AHDC1: variants seen among roughly 807,000 people sequenced by gnomAD.
The protein encoded by AHDC1 is AT-hook DNA binding motif containing 1.
In AHDC1, 7 loss-of-function variants were observed where a neutral mutation model predicts 87.9. The observed-to-expected ratio is 0.08, with a 90% CI of 0.05 to 0.15. The LOEUF is 0.15. AHDC1 is among the 10% of genes least tolerant of loss of function. AHDC1 has a pLI of 1.00. For synonymous variants in AHDC1, 1,051 were observed against 1,006.8 expected, an observed-to-expected ratio of 1.04 and a Z score of -0.83; for missense variants, 1,841 against 2,253.2, an observed-to-expected ratio of 0.82 and a Z score of 3.70.
chr1:27,595,450 C>CTCTGTGTGTGTGTGTGTGTGTG lies in AHDC1; in HGVS notation c.-629+7946_-629+7947insCACACACACACACACACACAGA, dbSNP rs2089342793. 6.9e-6 allele frequency among the ~76,000 whole-genome samples: 1 copy of CTCTGTGTGTGTGTGTGTGTGTG among 144,686 alleles called. No homozygotes were observed. Among genetic ancestry groups the CTCTGTGTGTGTGTGTGTGTGTG allele is most frequent in the African/African-American group, 2.6e-5 (1 of 38,712 alleles). The allele number at this position is 144,686 out of a possible 152,430, so 94.9% of individuals were successfully genotyped here. Reference sequence around the variant, plus strand: ...GGTTGATATGCTGAGGGTGTGATAGCTGTGTGTGTGTGTGTGTGTGATTGT... The same window carrying CTCTGTGTGTGTGTGTGTGTGTG: ...GGTTGATATGCTGAGGGTGTGATAGCTCTGTGTGTGTGTGTGTGTGTGTGTGTGTGTGTGTGTGTGTGATTGT... On this transcript the variant is annotated intron_variant, in intron 3 of 8. Coordinates refer to ENST00000673934, the MANE Select transcript of AHDC1 (RefSeq NM_001371928.1). The surrounding 1 kb of genome is among the most constrained non-coding windows in gnomAD (Gnocchi z 4.0).
chr1:27,575,652 T>TGCCG (rs1557692343), intron 3 of AHDC1, among the ~76,000 whole-genome samples: 1 of 150,464 alleles, frequency 6.6e-6, no homozygotes, highest in Non-Finnish European at 1.5e-5. Flanking sequence ...GAGAGCCACA[T>TGCCG]GCCGGCCGGC....
rs2089203316 is a variant in AHDC1 at position 27,590,888 on chromosome 1, C to T, written c.-629+12509G>A. On this transcript the variant is annotated intron_variant, in intron 3 of 8. Transcript: ENST00000673934. This position sits in a 1 kb window ranked among gnomAD's most constrained non-coding sequence, Gnocchi z 5.4. ...AGTGGGGAACAGGCAGGTGGGCTCC[C>T]TCAACCCCCAGCACCTTGGATGAGC... 6.6e-6 allele frequency among the ~76,000 whole-genome samples: 1 copy of T among 152,152 alleles called. No individual in the cohort carries two copies. The highest frequency in any genetic ancestry group is 2.1e-4 in the South Asian group (1 of 4,828).
At chr1:27,580,487 C>A (rs1224295232) in intron 3 of AHDC1, among the ~76,000 whole-genome samples, 2 of 152,326 alleles carry the variant, frequency 1.3e-5, no homozygotes, top group East Asian at 3.9e-4. Flanking sequence ...CCATACCTGT[C>A]CCCTTCCCTG....
intron 3 of AHDC1, among the ~76,000 whole-genome samples, chr1:27,602,941 C>A (rs2089573489): frequency 6.6e-6 from 1 of 150,650 alleles, no homozygotes; most frequent in Non-Finnish European, 1.5e-5. Flanking sequence ...CAGCGCCGAT[C>A]CTAAAATCCA....
intron 3 of AHDC1, among the ~76,000 whole-genome samples, chr1:27,559,775 C>G (rs1037180258): frequency 6.6e-6 from 1 of 152,220 alleles, no homozygotes; most frequent in African/African-American, 2.4e-5. Context: ...CTCACCACCC[C>G]CCTGCTTCCT....
intron 3 of AHDC1, among the ~76,000 whole-genome samples, chr1:27,581,136 G>A (rs1458788251): frequency 1.3e-5 from 2 of 152,032 alleles, no homozygotes; most frequent in Non-Finnish European, 2.9e-5. Context: ...CGTCCCGCCT[G>A]TTTTTGTTTT....
rs1044392390 is a variant in AHDC1 at position 27,547,884 on chromosome 1, T to C, written c.4232A>G (p.Glu1411Gly). The C allele has an allele frequency of 1.4e-5, 21 of 1,554,526 alleles. No homozygotes were observed. The highest frequency in any genetic ancestry group is 1.4e-5 in the Non-Finnish European group (16 of 1,147,116). ...CAGCTTTGTGGGCGGTGGCCGCAGC[T>C]CTTCCTTGAAGCCCAGTGTAGGCGA... is the stretch of plus-strand genomic sequence containing the variant. ...TCSPTLGFKEELRPPPTKLAA... is the reference protein window; with the variant it reads ...TCSPTLGFKEGLRPPPTKLAA... The change falls in exon 8 of 9, where the codon GAG becomes GGG. Residue 1411 changes from glutamate to glycine, a missense_variant. Around this residue, in one of 13 missense-constraint regions of AHDC1, gnomAD observed 505 missense variants for 626.2 expected, o/e 0.81. Coordinates refer to ENST00000673934, the MANE Select transcript of AHDC1 (RefSeq NM_001371928.1). This position sits in a 1 kb window ranked among gnomAD's most constrained non-coding sequence, Gnocchi z 4.9.
In AHDC1 at chr1:27,545,437, C is replaced by T. The variant is rs949101774; in HGVS notation, c.*43+1824G>A. On this transcript the variant is annotated intron_variant, in intron 8 of 8. Coordinates refer to ENST00000673934, the MANE Select transcript of AHDC1 (RefSeq NM_001371928.1). ...ATCCCAGTTCCTCCTGCGTTCAGGC[C>T]TCACTGGGTGGTTCCATTATGTACT... is the stretch of plus-strand genomic sequence containing the variant. Among the ~76,000 whole-genome samples the T allele has an allele frequency of 2.6e-5, 4 of 152,130 alleles. No homozygotes were observed. The East Asian group carries it at 7.7e-4, about 29-fold the overall frequency.
intron 3 of AHDC1, among the ~76,000 whole-genome samples, chr1:27,573,399 G>A (rs2088606438): frequency 6.6e-6 from 1 of 152,122 alleles, no homozygotes. Context: ...CTCTATGTGT[G>A]GTAAAGACAC....
At chr1:27,535,359 G>A (rs905659088) in intron 8 of AHDC1, among the ~76,000 whole-genome samples, 5 of 152,146 alleles carry the variant, frequency 3.3e-5, no homozygotes, top group South Asian at 2.1e-4. Flanking sequence ...AGGATTCAGC[G>A]GTATAGGACA....
upstream of AHDC1, chr1:27,604,211 C>A: frequency 6.6e-6 from 1 of 151,302 alleles, no homozygotes; most frequent in South Asian, 2.0e-4. Flanking sequence ...CGCGGCACGC[C>A]GGGACTTGTA....
chr1:27,583,639 G>A (rs973617458), intron 3 of AHDC1, among the ~76,000 whole-genome samples: 1 of 151,918 alleles, frequency 6.6e-6, no homozygotes, highest in Non-Finnish European at 1.5e-5. Context: ...CCCCTAACCC[G>A]TCTCTTAATC....
chr1:27,581,429 A>G (rs1374514438), intron 3 of AHDC1, among the ~76,000 whole-genome samples: 4 of 149,664 alleles, frequency 2.7e-5, no homozygotes, highest in African/African-American at 7.3e-5. Context: ...AACCAAGAGA[A>G]AAAAAAAAAA....
chr1:27,569,171 C>T (rs2020461383), intron 3 of AHDC1, among the ~76,000 whole-genome samples: 1 of 152,034 alleles, frequency 6.6e-6, no homozygotes, highest in South Asian at 2.1e-4. Flanking sequence ...TGTCTTCTCC[C>T]TCATATGGTC....
At chr1:27,600,659 C>A (rs1016269290) in intron 3 of AHDC1, among the ~76,000 whole-genome samples, 1 of 152,122 alleles carries the variant, frequency 6.6e-6, no homozygotes, top group African/African-American at 2.4e-5. Flanking sequence ...CTCTGCCAGT[C>A]CAGAACAGCT....
intron 8 of AHDC1, among the ~76,000 whole-genome samples, chr1:27,537,324 G>T (rs2018686800): frequency 6.6e-6 from 1 of 152,158 alleles, no homozygotes; most frequent in Non-Finnish European, 1.5e-5. Context: ...CACAGATAGA[G>T]GGGAAAGCAA....
At chr1:27,592,340 C>A (rs2089245847) in intron 3 of AHDC1, among the ~76,000 whole-genome samples, 1 of 152,124 alleles carries the variant, frequency 6.6e-6, no homozygotes, top group Non-Finnish European at 1.5e-5. Context: ...GTCACCCACC[C>A]AGCTCGTCAC....
chr1:27,547,425 T>A lies in AHDC1; in HGVS notation c.4691A>T (p.Tyr1564Phe). 6.3e-7 allele frequency: 1 copy of A among 1,583,064 alleles called. No homozygotes were observed. Among genetic ancestry groups the A allele is most frequent in the South Asian group, 1.1e-5 (1 of 87,818 alleles). ...DSLLPLQDTA[Y>F]RYPGFMPQAH... ...CTGGGGCATAAAGCCTGGGTACCTG[T>A]AGGCGGTGTCCTGCAGGGGCAGCAG... The change falls in exon 8 of 9, where the codon TAC becomes TTC. Residue 1564 changes from tyrosine (Y) to phenylalanine (F), a missense_variant. By Grantham distance (22) the Tyr-to-Phe change is conservative. This residue lies in a region of AHDC1 where 505 missense variants were observed against 626.2 expected (regional missense o/e 0.81). Transcript: ENST00000673934. The surrounding 1 kb of genome is among the most constrained non-coding windows in gnomAD (Gnocchi z 4.9).
Position 27,550,832 on chromosome 1 carries a change from T to C in AHDC1, c.1284A>G (p.Glu428=). The C allele has an allele frequency of 4.5e-6, 7 of 1,564,764 alleles. No individual in the cohort carries two copies. The highest frequency in any genetic ancestry group is 6.0e-6 in the Non-Finnish European group (7 of 1,157,514). ...GTGGAGGAGGCGGTGGTGGTGGGGGTTCGGCCAGGGCAGCCACCAGCCCCG... is the reference window on the plus strand; with the variant it reads ...GTGGAGGAGGCGGTGGTGGTGGGGGCTCGGCCAGGGCAGCCACCAGCCCCG... ...MPTGLVAALA[E]PPPPPPPPPP... The change falls in exon 8 of 9, where the codon GAA becomes GAG. Residue 428 remains glutamate (E), a synonymous_variant. Transcript: ENST00000673934.
Sources: gnomAD v4.1 joint callset for allele counts (sites outside exome capture counted in the v4.1 genomes callset) on GRCh38, gnomAD v4.1.1 for gene constraint, gnomAD v4.1.1 regional missense constraint, Gnocchi (gnomAD v3.1) non-coding constraint, MANE v1.5 for transcripts, NCBI Gene and HGNC (gene_info 2026-07-23, HGNC 2026-07-21) for gene names.